MKLN1: variants seen among roughly 807,000 people sequenced by gnomAD.
MKLN1 encodes the protein muskelin.
In MKLN1, 18 loss-of-function variants were observed where a neutral mutation model predicts 99.0. The observed-to-expected ratio is 0.18, with a 90% CI of 0.13 to 0.27. The LOEUF (loss-of-function observed/expected upper bound fraction) is 0.27, where lower values mean the gene tolerates loss of function less well. MKLN1 is among the 10% of genes least tolerant of loss of function. MKLN1 has a pLI of 1.00. For missense variants in MKLN1, 621 were observed against 875.9 expected (o/e 0.71, Z 3.67); for synonymous variants, 288 against 293.2 (o/e 0.98, Z 0.18).
intron 1 of MKLN1, among the ~76,000 whole-genome samples, chr7:131,345,334 A>G (rs551610075): frequency 1.3e-5 from 2 of 152,348 alleles, no homozygotes; most frequent in South Asian, 2.1e-4. Flanking sequence ...TGAAATTTGA[A>G]GTCTGAAATG....
At chr7:131,388,412 A>G (rs1794094972) in intron 3 of MKLN1, among the ~76,000 whole-genome samples, 1 of 152,204 alleles carries the variant, frequency 6.6e-6, no homozygotes, top group African/African-American at 2.4e-5. Context: ...CCAACAGAGT[A>G]AGGTTGGCTT....
chr7:131,446,514 A>G (rs971931544), intron 12 of MKLN1, among the ~76,000 whole-genome samples: 4 of 152,214 alleles, frequency 2.6e-5, no homozygotes, highest in African/African-American at 7.2e-5. Flanking sequence ...TTAAGGTGCA[A>G]TGGTTTAAAA....
intron 9 of MKLN1, 33 bp from the exon 10 acceptor site, chr7:131,437,748 ATTTG>A (rs761664984): frequency 1.2e-5 from 18 of 1,451,446 alleles, no homozygotes; most frequent in African/African-American, 5.7e-5. Flanking sequence ...TTTGCTCTTT[ATTTG>A]TTTATTTATT....
chr7:131,175,257 T>TAGATAGATAGATAGATAATAGAC (rs1796282115), intron 2 of MKLN1, among the ~76,000 whole-genome samples: 2 of 152,014 alleles, frequency 1.3e-5, no homozygotes, highest in African/African-American at 4.8e-5. Flanking sequence ...GATAGATAGA[T>TAGATAGATAGATAGATAATAGAC]AGATAGATAG....
Position 131,369,707 on chromosome 7 carries a change from T to C in MKLN1, c.99-5717T>C, listed in dbSNP as rs1800287262. On this transcript the variant is annotated intron_variant, in intron 1 of 17. Coordinates refer to ENST00000352689, the MANE Select transcript of MKLN1 (RefSeq NM_013255.5). ...ATAACACAAAATTTGAAAGTTTTAA[T>C]ATAATCAAATAGTTACTTTTTGTTT... Among the ~76,000 whole-genome samples the C allele has an allele frequency of 2.0e-5, 3 of 152,250 alleles. No homozygotes were observed. The South Asian group carries it at 6.2e-4, about 31-fold the overall frequency.
intron 2 of MKLN1, among the ~76,000 whole-genome samples, chr7:131,160,115 G>A (rs1584798865): frequency 6.6e-6 from 1 of 152,038 alleles, no homozygotes; most frequent in Non-Finnish European, 1.5e-5. Context: ...CCACTTATCT[G>A]CTTTCTGGCT....
intron 1 of MKLN1, among the ~76,000 whole-genome samples, chr7:131,123,740 A>G (rs1245372151): frequency 6.6e-6 from 1 of 151,850 alleles, no homozygotes; most frequent in Non-Finnish European, 1.5e-5. Flanking sequence ...GTGAGCCGAG[A>G]TTGTGCCACT....
At chr7:131,271,541 C>T (rs1480255817) in intron 3 of MKLN1, among the ~76,000 whole-genome samples, 15 of 151,348 alleles carry the variant, frequency 9.9e-5, no homozygotes, top group African/African-American at 2.4e-4. Flanking sequence ...GGCGTGAACC[C>T]GGGAGGCGGA....
chr7:131,423,979 A>G (rs1020228643), intron 8 of MKLN1, among the ~76,000 whole-genome samples: 4 of 152,342 alleles, frequency 2.6e-5, no homozygotes, highest in Admixed American at 2.0e-4. Context: ...GAGGCAGTGA[A>G]TTCAGTTGAT....
chr7:131,296,158 C>G (rs554087289), intron 3 of MKLN1, among the ~76,000 whole-genome samples: 11 of 152,068 alleles, frequency 7.2e-5, no homozygotes, highest in Non-Finnish European at 1.6e-4. Flanking sequence ...AGGAATTTAT[C>G]CTACAGAGAG....
chr7:131,241,475 G>A (rs1194280391), intron 3 of MKLN1, among the ~76,000 whole-genome samples: 3 of 151,516 alleles, frequency 2.0e-5, no homozygotes, highest in Admixed American at 6.6e-5. Flanking sequence ...GGGAGGCCAA[G>A]GTGGGAGAAT....
intron 2 of MKLN1, among the ~76,000 whole-genome samples, chr7:131,171,641 G>T (rs1796217943): frequency 6.6e-6 from 1 of 151,738 alleles, no homozygotes; most frequent in Non-Finnish European, 1.5e-5. Flanking sequence ...TATTTTTGGT[G>T]GAGACAGGGT....
intron 3 of MKLN1, among the ~76,000 whole-genome samples, chr7:131,292,215 T>C (rs185614835): frequency 1.4e-3 from 210 of 152,298 alleles, no homozygotes; most frequent in African/African-American, 4.7e-3. Context: ...TGATAGTTTT[T>C]TTTGCAAAGC....
intron 2 of MKLN1, among the ~76,000 whole-genome samples, chr7:131,195,085 G>A (rs1016250397): frequency 2.0e-5 from 3 of 152,110 alleles, no homozygotes; most frequent in East Asian, 3.8e-4. Flanking sequence ...CTCTACTGAG[G>A]AAAAGAAAGG....
chr7:131,329,427 C>A (rs886097476), intron 1 of MKLN1, among the ~76,000 whole-genome samples: 2 of 152,182 alleles, frequency 1.3e-5, no homozygotes, highest in African/African-American at 4.8e-5. Flanking sequence ...ACAGTCCAGC[C>A]ATGTAGTTGG....
At chr7:131,116,635 G>A (rs1795282146) in intron 1 of MKLN1, among the ~76,000 whole-genome samples, 2 of 151,616 alleles carry the variant, frequency 1.3e-5, no homozygotes, top group African/African-American at 4.9e-5. Flanking sequence ...ATAGAACATG[G>A]AAATTAAACT....
At chr7:131,317,783 A>G (rs1233147059) in intron 3 of MKLN1, among the ~76,000 whole-genome samples, 1 of 151,548 alleles carries the variant, frequency 6.6e-6, no homozygotes, top group East Asian at 1.9e-4. Context: ...AAAAAAAAAA[A>G]AAAGCAGGGG....
intron 1 of MKLN1, among the ~76,000 whole-genome samples, chr7:131,359,733 AT>A (rs548525639): frequency 2.7e-4 from 39 of 144,934 alleles, no homozygotes; most frequent in Admixed American, 4.8e-4. Flanking sequence ...TGCCTCTTTT[AT>A]TTTTTTTTTT....
At chr7:131,293,205 C>T (rs1798246868) in intron 3 of MKLN1, among the ~76,000 whole-genome samples, 1 of 152,086 alleles carries the variant, frequency 6.6e-6, no homozygotes, top group Non-Finnish European at 1.5e-5. Flanking sequence ...GGAACTGAGC[C>T]CAGCCATCCC....
Sources: gnomAD v4.1 joint callset for allele counts (sites outside exome capture counted in the v4.1 genomes callset) on GRCh38, gnomAD v4.1.1 for gene constraint, MANE v1.5 for transcripts, NCBI Gene and HGNC (gene_info 2026-07-23, HGNC 2026-07-21) for gene names.